Variants in ARNT2 observed in about 807,000 individuals in gnomAD.
The protein encoded by ARNT2 is aryl hydrocarbon receptor nuclear translocator 2.
In ARNT2, 36 loss-of-function variants were observed where a neutral mutation model predicts 91.7. The ratio of observed to expected loss-of-function variants is 0.39; its 90% CI spans 0.30 to 0.52. ARNT2 has a LOEUF of 0.52. Ranked by LOEUF, ARNT2 falls within the 20% of genes least tolerant of loss-of-function variation. ARNT2 has a pLI of 0.72. For synonymous variants in ARNT2, 365 were observed against 347.1 expected, an observed-to-expected ratio of 1.05 and a Z score of -0.57; for missense variants, 775 against 939.3, an observed-to-expected ratio of 0.83 and a Z score of 2.29.
intron 5 of ARNT2, among the ~76,000 whole-genome samples, chr15:80,500,414 C>T (rs1037135523): frequency 3.9e-5 from 6 of 152,178 alleles, no homozygotes; most frequent in South Asian, 4.1e-4. Context: ...CACTGTTCCT[C>T]CTTTTTGAAC....
At chr15:80,551,779 G>A (rs1898085327) in intron 9 of ARNT2, among the ~76,000 whole-genome samples, 1 of 151,870 alleles carries the variant, frequency 6.6e-6, no homozygotes, top group African/African-American at 2.4e-5. Context: ...CTCCTTATCT[G>A]CTCATCTTTC....
At position 80,549,997 on chromosome 15, in the gene ARNT2, A is replaced by G. The variant is rs539245317; in HGVS notation, c.878-1202A>G. Among the ~76,000 whole-genome samples, 123 of 152,378 alleles carry G rather than the reference A, an allele frequency of 8.1e-4. 3 individuals carry two copies. The Middle Eastern group carries it at 0.01, about 13-fold the overall frequency. On this transcript the variant is annotated intron_variant, in intron 8 of 18. Coordinates refer to ENST00000303329, the MANE Select transcript of ARNT2 (RefSeq NM_014862.4). Reference sequence around the variant, plus strand: ...TAAATCATGGCACATCAATAAGATGAAGCAGTGTGCAGTTATAAAAAAGAA... The same window carrying G: ...TAAATCATGGCACATCAATAAGATGGAGCAGTGTGCAGTTATAAAAAAGAA...
rs1893365994 is a variant in ARNT2 at position 80,595,798 on chromosome 15, G to A, written c.*2100G>A. 6.6e-6 allele frequency: 1 copy of A among 152,198 alleles called. No homozygotes were observed. Among genetic ancestry groups the A allele is most frequent in the Non-Finnish European group, 1.5e-5 (1 of 68,040 alleles). The allele number at this position is 152,198 out of a possible 1,614,324, so 9.4% of individuals were successfully genotyped here. On this transcript the variant is annotated 3_prime_UTR_variant, in exon 19 of 19. Coordinates refer to ENST00000303329, the MANE Select transcript of ARNT2 (RefSeq NM_014862.4). Reference sequence around the variant, plus strand: ...TCCTCCCAGGGCCAGCCCCAGAATGGGCCTTTCTCTGCCTGCCCTGCCCTT... The same window carrying A: ...TCCTCCCAGGGCCAGCCCCAGAATGAGCCTTTCTCTGCCTGCCCTGCCCTT...
intron 11 of ARNT2, among the ~76,000 whole-genome samples, chr15:80,558,273 T>C (rs551450082): frequency 2.6e-5 from 4 of 152,100 alleles, no homozygotes; most frequent in Admixed American, 2.6e-4. Context: ...TGGGGGGTTG[T>C]TTTTCTGTCT....
At chr15:80,534,144 A>G (rs900020858) in intron 8 of ARNT2, among the ~76,000 whole-genome samples, 1 of 152,186 alleles carries the variant, frequency 6.6e-6, no homozygotes, top group Non-Finnish European at 1.5e-5. Flanking sequence ...AACTCCTACC[A>G]TCATCAGGCA....
intron 1 of ARNT2, among the ~76,000 whole-genome samples, chr15:80,419,214 G>A (rs965480646): frequency 1.3e-5 from 2 of 152,206 alleles, no homozygotes; most frequent in Admixed American, 1.3e-4. Context: ...CAGTCGTTCA[G>A]GGGTGGGAGT....
chr15:80,451,868 G>C (rs148837458), intron 2 of ARNT2, among the ~76,000 whole-genome samples: 2 of 152,158 alleles, frequency 1.3e-5, no homozygotes. Context: ...TTTTATTTTC[G>C]ATGCACTATT....
chr15:80,518,431 C>T (rs1022504935), intron 8 of ARNT2, among the ~76,000 whole-genome samples: 3 of 151,816 alleles, frequency 2.0e-5, no homozygotes, highest in South Asian at 4.2e-4. Flanking sequence ...CAGGTGTGCA[C>T]CACCACAGCC....
intron 1 of ARNT2, among the ~76,000 whole-genome samples, chr15:80,435,614 C>T (rs1896074646): frequency 6.6e-6 from 1 of 152,164 alleles, no homozygotes; most frequent in South Asian, 2.1e-4. Context: ...AGGTTCCCTC[C>T]CTCCCTCTGT....
Position 80,596,962 on chromosome 15 carries a change from C to G in ARNT2, c.*3264C>G. 1 of 354,852 alleles carries G rather than the reference C, an allele frequency of 2.8e-6. No homozygotes were observed. Among genetic ancestry groups the G allele is most frequent in the South Asian group, 2.1e-5 (1 of 47,034 alleles). The allele number at this position is 354,852 out of a possible 1,614,324, so 22.0% of individuals were successfully genotyped here. On this transcript the variant is annotated 3_prime_UTR_variant, in exon 19 of 19. Transcript: ENST00000303329. ...TAGCTTTGGCTTCAGGGAGTGACAGCCATCACAAATAGCCACATTCTGCTC... is the reference window on the plus strand; with the variant it reads ...TAGCTTTGGCTTCAGGGAGTGACAGGCATCACAAATAGCCACATTCTGCTC...
At chr15:80,460,145 C>A (rs1336130749) in intron 3 of ARNT2, among the ~76,000 whole-genome samples, 1 of 152,208 alleles carries the variant, frequency 6.6e-6, no homozygotes, top group East Asian at 1.9e-4. Flanking sequence ...CCAGCACCCA[C>A]CGTAGTTTGC....
chr15:80,512,384 A>G (rs1253120374), intron 6 of ARNT2, among the ~76,000 whole-genome samples: 1 of 152,228 alleles, frequency 6.6e-6, no homozygotes, highest in Admixed American at 6.5e-5. Context: ...TTGAAGGCAC[A>G]GATGAAATCC....
intron 10 of ARNT2, among the ~76,000 whole-genome samples, chr15:80,554,428 A>C (rs1898140100): frequency 6.6e-6 from 1 of 152,182 alleles, no homozygotes; most frequent in African/African-American, 2.4e-5. Flanking sequence ...AAAAACATAA[A>C]ATAAATTTTA....
At chr15:80,479,218 A>T (rs142016409) in intron 5 of ARNT2, among the ~76,000 whole-genome samples, 179 of 152,282 alleles carry the variant, frequency 1.2e-3, no homozygotes, top group Non-Finnish European at 1.9e-3. Flanking sequence ...TGGCTCAGGG[A>T]CCCCAGAAAA....
chr15:80,497,884 G>A (rs979377221), intron 5 of ARNT2, among the ~76,000 whole-genome samples: 7 of 152,228 alleles, frequency 4.6e-5, no homozygotes, highest in African/African-American at 1.7e-4. Context: ...ATTTAAGGGA[G>A]AAGGGGGAAG....
At chr15:80,562,968 A>G (rs1898394974) in intron 11 of ARNT2, 120 bp from the exon 12 acceptor site, 3 of 1,072,982 alleles carry the variant, frequency 2.8e-6, no homozygotes, top group African/African-American at 3.1e-5. Flanking sequence ...TTTAGCCACA[A>G]TGCCCCTATT....
chr15:80,448,854 G>A (rs940661507), intron 1 of ARNT2, among the ~76,000 whole-genome samples: 3 of 152,086 alleles, frequency 2.0e-5, no homozygotes, highest in Non-Finnish European at 2.9e-5. Flanking sequence ...GCATGGTGGC[G>A]GGCGCCTGTA....
At chr15:80,481,164 A>C (rs533944945) in intron 5 of ARNT2, among the ~76,000 whole-genome samples, 8 of 152,320 alleles carry the variant, frequency 5.3e-5, no homozygotes, top group Admixed American at 3.9e-4. Flanking sequence ...TGAGAGCTTC[A>C]TGGAAATCCA....
chr15:80,545,068 G>A (rs1453502236), intron 8 of ARNT2, among the ~76,000 whole-genome samples: 4 of 152,164 alleles, frequency 2.6e-5, no homozygotes, highest in Admixed American at 2.6e-4. Context: ...TGTCTTCTAA[G>A]GACACCTCCT....
Sources: allele counts gnomAD v4.1 joint callset (sites outside exome capture counted in the v4.1 genomes callset), GRCh38; gene constraint gnomAD v4.1.1; transcripts MANE v1.5; gene names NCBI Gene and HGNC (gene_info 2026-07-23, HGNC 2026-07-21).